The following GNG7 variants were observed in gnomAD, a reference collection of about 807,000 sequenced individuals.
GNG7 encodes G protein subunit gamma 7, also known as guanine nucleotide-binding protein G(I)/G(S)/G(O) subunit gamma-7.
In GNG7, 1 loss-of-function variant was observed where a neutral mutation model predicts 4.0. The ratio of observed to expected loss-of-function variants is 0.25; its 90% CI spans 0.09 to 1.18. The LOEUF (loss-of-function observed/expected upper bound fraction) is 1.18, where lower values mean the gene tolerates loss of function less well. Among genes scored for constraint, GNG7 ranks in the 50% most tolerant of loss-of-function variants. The pLI, the probability that GNG7 is intolerant of heterozygous loss-of-function variation, is 0.50. For missense variants in GNG7, 86 were observed against 91.9 expected, an observed-to-expected ratio of 0.94 and a Z score of 0.26; for synonymous variants, 34 against 36.9, an observed-to-expected ratio of 0.92 and a Z score of 0.29.
In GNG7 at chr19:2,565,813, T is replaced by A. The variant is rs567233218; in HGVS notation, c.-77-10625A>T. On this transcript the variant is annotated intron_variant, in intron 2 of 4. Transcript: ENST00000382159. Reference sequence around the variant, plus strand: ...CAGGAAGCGTCTGCAGAGTGTAATGTGCTCAGCGCTTCTGCAGGGGACGGG... The same window carrying A: ...CAGGAAGCGTCTGCAGAGTGTAATGAGCTCAGCGCTTCTGCAGGGGACGGG... Among the ~76,000 whole-genome samples the A allele has an allele frequency of 1.5e-3, 232 of 152,268 alleles. 2 individuals carry two copies. The South Asian group carries it at 0.019, about 13-fold the overall frequency.
rs559773436 is a variant in GNG7 at position 2,603,230 on chromosome 19, C to A, written c.-78+42994G>T. ...TACAGGTGCGCACCACCATGCCTGG[C>A]TAATTTTTGTATTTTTAGTAGAGAC... On this transcript the variant is annotated intron_variant, in intron 2 of 4. Coordinates refer to ENST00000382159, the MANE Select transcript of GNG7 (RefSeq NM_052847.3). 5.9e-3 allele frequency among the ~76,000 whole-genome samples: 900 copies of A among 152,152 alleles called. 5 individuals carry two copies. Among genetic ancestry groups the A allele is most frequent in the Non-Finnish European group, 0.011 (734 of 68,002 alleles).
intron 3 of GNG7, among the ~76,000 whole-genome samples, chr19:2,554,201 G>C (rs1979476428): frequency 6.8e-6 from 1 of 147,176 alleles, no homozygotes; most frequent in Middle Eastern, 3.6e-3. Flanking sequence ...TTTCTTTAGA[G>C]ACCTGGTCTC....
rs1463350591 is a variant in GNG7 at position 2,557,147 on chromosome 19, C to G, written c.-77-1959G>C. Among the ~76,000 whole-genome samples, 1 of 151,698 alleles carries G rather than the reference C, an allele frequency of 6.6e-6. No homozygotes were observed. Among genetic ancestry groups the G allele is most frequent in the African/African-American group, 2.4e-5 (1 of 41,252 alleles). The stretch of plus-strand genomic sequence containing the variant: ...CACACGTGTACTGCACACTCACGCA[C>G]ATGCACACAAAGACACGCGCACACA... On this transcript the variant is annotated intron_variant, in intron 2 of 4. Coordinates refer to ENST00000382159, the MANE Select transcript of GNG7 (RefSeq NM_052847.3). This position sits in a 1 kb window ranked among gnomAD's most constrained non-coding sequence, Gnocchi z 5.1.
At chr19:2,602,492 G>A (rs1299045304) in intron 2 of GNG7, among the ~76,000 whole-genome samples, 1 of 152,224 alleles carries the variant, frequency 6.6e-6, no homozygotes, top group Non-Finnish European at 1.5e-5. Flanking sequence ...AGACAGGAAT[G>A]CGCTGTGCAG....
At chr19:2,694,472 C>G (rs561936353) in intron 1 of GNG7, among the ~76,000 whole-genome samples, 1 of 151,230 alleles carries the variant, frequency 6.6e-6, no homozygotes, top group Non-Finnish European at 1.5e-5. Flanking sequence ...GTGCCCAGGA[C>G]GGCCCCACCC....
At chr19:2,531,152 A>G (rs148033168) in intron 3 of GNG7, among the ~76,000 whole-genome samples, 30 of 151,706 alleles carry the variant, frequency 2.0e-4, no homozygotes, top group African/African-American at 7.3e-4. Context: ...CTAAAATACA[A>G]AAATTAGCTG....
intron 3 of GNG7, among the ~76,000 whole-genome samples, chr19:2,522,846 G>T (rs1488417236): frequency 1.3e-5 from 2 of 150,578 alleles, no homozygotes; most frequent in African/African-American, 4.9e-5. Context: ...TGTGTAGCAT[G>T]CTTCTGTTTG....
chr19:2,566,932 G>C (rs990385552), intron 2 of GNG7, among the ~76,000 whole-genome samples: 7 of 152,042 alleles, frequency 4.6e-5, no homozygotes, highest in African/African-American at 1.7e-4. Flanking sequence ...GTGAAACCCC[G>C]TGTCTACTAA....
intron 1 of GNG7, among the ~76,000 whole-genome samples, chr19:2,666,024 C>G (rs941266063): frequency 1.3e-5 from 2 of 151,962 alleles, no homozygotes; most frequent in African/African-American, 2.4e-5. Context: ...CGCCACCACG[C>G]CCAGCTAATT....
chr19:2,542,903 G>A (rs564367657), intron 3 of GNG7, among the ~76,000 whole-genome samples: 36 of 134,164 alleles, frequency 2.7e-4, no homozygotes, highest in African/African-American at 9.6e-4. Context: ...TTTTTTTGGT[G>A]GTTTTTGTTT....
At chr19:2,613,528 C>T (rs965976652) in intron 2 of GNG7, among the ~76,000 whole-genome samples, 1 of 152,216 alleles carries the variant, frequency 6.6e-6, no homozygotes, top group Admixed American at 6.5e-5. Flanking sequence ...TCTCCCTCCC[C>T]ACTCAGGGTG....
chr19:2,606,203 A>T (rs895005946), intron 2 of GNG7, among the ~76,000 whole-genome samples: 2 of 151,946 alleles, frequency 1.3e-5, no homozygotes, highest in African/African-American at 4.8e-5. Flanking sequence ...ACATAGTGAG[A>T]TCCCATCTCT....
Position 2,602,895 on chromosome 19 carries a change from CTT to C in GNG7, c.-78+43327_-78+43328del, listed in dbSNP as rs1491562535. On this transcript the variant is annotated intron_variant, in intron 2 of 4. Transcript: ENST00000382159. Reference sequence around the variant, plus strand: ...TTTCTCTCTTTCTCTTTCTTTTTCTCTTTTTCTTTCTTTCTTTCTTTCTTTCT... The same window carrying C: ...TTTCTCTCTTTCTCTTTCTTTTTCTCTTTCTTTCTTTCTTTCTTTCTTTCT... 9.7e-5 allele frequency among the ~76,000 whole-genome samples: 6 copies of C among 62,084 alleles called. No homozygotes were observed. The East Asian group carries it at 1.6e-3, about 17-fold the overall frequency. 40.7% of individuals were successfully genotyped at this position (62,084 alleles called of 152,430 possible).
At chr19:2,689,054 A>G (rs1913070955) in intron 1 of GNG7, among the ~76,000 whole-genome samples, 1 of 151,398 alleles carries the variant, frequency 6.6e-6, no homozygotes, top group Admixed American at 6.6e-5. Flanking sequence ...ACAGAGTAAG[A>G]CTCTGTCTCA....
At chr19:2,529,833 C>T (rs1007552887) in intron 3 of GNG7, among the ~76,000 whole-genome samples, 5 of 152,162 alleles carry the variant, frequency 3.3e-5, no homozygotes, top group African/African-American at 4.8e-5. Context: ...AGGGACCACA[C>T]GGTGCCTGCC....
In GNG7 at chr19:2,512,201, G is replaced by A. The variant is rs1324542869; in HGVS notation, c.*2821C>T. The A allele has an allele frequency of 1.0e-6, 1 of 985,900 alleles. No homozygotes were observed. The allele number at this position is 985,900 out of a possible 1,614,324, so 61.1% of individuals were successfully genotyped here. A position where few individuals can be genotyped will look rare whatever the true frequency, so the allele number is the denominator to read the frequency against. The stretch of plus-strand genomic sequence containing the variant: ...ACCCCCGCCCGCCAGCTCCCCGTCT[G>A]GAGGTGCACGCGCGCTCCTGGAAAC... On this transcript the variant is annotated 3_prime_UTR_variant, in exon 5 of 5. Transcript: ENST00000382159. This position sits in a 1 kb window ranked among gnomAD's most constrained non-coding sequence, Gnocchi z 4.7.
chr19:2,608,605 G>A (rs1981466854), intron 2 of GNG7, among the ~76,000 whole-genome samples: 1 of 152,240 alleles, frequency 6.6e-6, no homozygotes, highest in Non-Finnish European at 1.5e-5. Context: ...TCCCCTGGCT[G>A]CCACCGGACA....
intron 3 of GNG7, among the ~76,000 whole-genome samples, chr19:2,529,676 G>T (rs188059767): frequency 2.0e-4 from 31 of 152,278 alleles, no homozygotes; most frequent in Admixed American, 1.7e-3. Flanking sequence ...GTCATTTATG[G>T]ACTCGATGAG....
At chr19:2,670,862 C>A (rs901215836) in intron 1 of GNG7, among the ~76,000 whole-genome samples, 1 of 152,098 alleles carries the variant, frequency 6.6e-6, no homozygotes, top group Non-Finnish European at 1.5e-5. Flanking sequence ...ATTCCAAGGA[C>A]CACCCCTCCC....
Sources: allele counts gnomAD v4.1 joint callset (sites outside exome capture counted in the v4.1 genomes callset), GRCh38; gene constraint gnomAD v4.1.1; non-coding constraint Gnocchi (gnomAD v3.1); transcripts MANE v1.5; gene names NCBI Gene and HGNC (gene_info 2026-07-23, HGNC 2026-07-21).